Variants in LAMA3 observed in about 807,000 individuals in gnomAD.
LAMA3 encodes laminin subunit alpha 3.
A neutral mutation model predicts 402.0 loss-of-function variants in LAMA3; 281 were observed. The observed-to-expected ratio is 0.70, with a 90% confidence interval of 0.63 to 0.77. LAMA3 has a LOEUF of 0.77. LAMA3 is among the 30% of genes least tolerant of loss of function. The pLI is 0.00. For missense variants in LAMA3, 3,840 were observed against 4,215.5 expected (o/e 0.91, Z 2.47); for synonymous variants, 1,431 against 1,558.4 (o/e 0.92, Z 1.93).
intron 55 of LAMA3, among the ~76,000 whole-genome samples, chr18:23,911,886 C>A: frequency 6.9e-6 from 1 of 144,078 alleles, no homozygotes; most frequent in Non-Finnish European, 1.5e-5. Context: ...TTATATATTA[C>A]ATACAATGTA....
chr18:23,930,242 A>G (rs1280050084), intron 64 of LAMA3, among the ~76,000 whole-genome samples: 1 of 152,240 alleles, frequency 6.6e-6, no homozygotes, highest in Non-Finnish European at 1.5e-5. Context: ...GAGTCAAATT[A>G]TCTTGCCCAA....
chr18:23,823,848 G>A (rs930833563), intron 20 of LAMA3, among the ~76,000 whole-genome samples: 6 of 152,116 alleles, frequency 3.9e-5, no homozygotes, highest in South Asian at 4.1e-4. Flanking sequence ...ACAAACAAAC[G>A]GAAGTGTAAA....
chr18:23,871,118 C>G (rs1324189377), intron 37 of LAMA3, among the ~76,000 whole-genome samples: 3 of 152,220 alleles, frequency 2.0e-5, no homozygotes, highest in African/African-American at 7.2e-5. Context: ...TTCCTTCCCT[C>G]TTTCTCACTC....
chr18:23,887,844 T>C (rs1011165767), intron 41 of LAMA3, among the ~76,000 whole-genome samples: 1 of 152,244 alleles, frequency 6.6e-6, no homozygotes, highest in Admixed American at 6.5e-5. Context: ...CTGCTCTTTA[T>C]TTGTTGTACC....
chr18:23,808,676 T>G (rs1402338287), intron 12 of LAMA3, among the ~76,000 whole-genome samples: 1 of 152,224 alleles, frequency 6.6e-6, no homozygotes, highest in East Asian at 1.9e-4. Context: ...ACTAGCCGAG[T>G]TCCCCTCCAT....
At chr18:23,828,857 A>G (rs1038428524) in intron 23 of LAMA3, among the ~76,000 whole-genome samples, 1 of 151,978 alleles carries the variant, frequency 6.6e-6, no homozygotes, top group African/African-American at 2.4e-5. Flanking sequence ...TATCATATTT[A>G]TTTTTTCTTG....
At chr18:23,874,361 C>A (rs983127752) in intron 38 of LAMA3, among the ~76,000 whole-genome samples, 1 of 152,224 alleles carries the variant, frequency 6.6e-6, no homozygotes, top group Middle Eastern at 3.2e-3. Context: ...ATGTAAATCT[C>A]AATTGTGCTT....
In LAMA3 at chr18:23,823,127, G is replaced by A. The variant is rs373162916; in HGVS notation, c.2428+752G>A. On this transcript the variant is annotated intron_variant, in intron 20 of 74. Coordinates refer to ENST00000313654, the MANE Select transcript of LAMA3 (RefSeq NM_198129.4). ...TGGGGGAAGAAATGATGTCATTTCCGAGTTGTGTCAACCCAACTTGCGTGG... is the reference window on the plus strand; with the variant it reads ...TGGGGGAAGAAATGATGTCATTTCCAAGTTGTGTCAACCCAACTTGCGTGG... Among the ~76,000 whole-genome samples the A allele has an allele frequency of 8.3e-4, 126 of 152,260 alleles. 2 individuals carry two copies. In the South Asian group the frequency reaches 0.025, roughly 30 times the overall value.
At chr18:23,900,066 T>TGTTC (rs2081016443) in intron 47 of LAMA3, among the ~76,000 whole-genome samples, 1 of 45,528 alleles carries the variant, frequency 2.2e-5, no homozygotes, top group Non-Finnish European at 1.2e-4. Flanking sequence ...TTTGTGTGTG[T>TGTTC]GTGCGTGTGT....
chr18:23,951,499 T>A (rs1224728279), intron 72 of LAMA3, among the ~76,000 whole-genome samples, 185 bp from the exon 73 acceptor site: 1 of 152,162 alleles, frequency 6.6e-6, no homozygotes, highest in Non-Finnish European at 1.5e-5. Context: ...CTGGAAGGGA[T>A]GCAGCAGAGA....
At chr18:23,733,087 G>C (rs985087742) in intron 2 of LAMA3, among the ~76,000 whole-genome samples, 15 of 152,072 alleles carry the variant, frequency 9.9e-5, no homozygotes, top group Non-Finnish European at 1.9e-4. Flanking sequence ...CTAATCAGCA[G>C]CCCAGGGAGC....
chr18:23,912,964 A>G (rs1361485277), intron 56 of LAMA3, 83 bp downstream of exon 56: 5 of 1,241,678 alleles, frequency 4.0e-6, no homozygotes, highest in Non-Finnish European at 5.9e-6. Flanking sequence ...GCACGGCTGC[A>G]TCACTGCCAT....
chr18:23,917,050 C>G (rs1452872267), intron 60 of LAMA3, among the ~76,000 whole-genome samples: 3 of 152,044 alleles, frequency 2.0e-5, no homozygotes, highest in Non-Finnish European at 2.9e-5. Context: ...GCCCCAGGGT[C>G]TGTTGTTCCC....
intron 55 of LAMA3, among the ~76,000 whole-genome samples, chr18:23,912,356 G>A (rs113148826): frequency 0.011 from 1,729 of 151,990 alleles, 35 homozygotes; most frequent in African/African-American, 0.04. Context: ...CATGCCAAGT[G>A]CCTCCATAGA....
At chr18:23,793,912 T>A (rs192679914) in intron 12 of LAMA3, among the ~76,000 whole-genome samples, 1 of 152,342 alleles carries the variant, frequency 6.6e-6, no homozygotes, top group East Asian at 1.9e-4. Context: ...CCCGCAAACC[T>A]CCTTTGGATT....
At chr18:23,944,143 A>C (rs2082625851) in intron 69 of LAMA3, among the ~76,000 whole-genome samples, 172 bp downstream of exon 69, 1 of 152,140 alleles carries the variant, frequency 6.6e-6, no homozygotes, top group South Asian at 2.1e-4. Context: ...CGCGGCACAC[A>C]CATTGCATGG....
chr18:23,924,107 C>T (rs1386010474), intron 62 of LAMA3, among the ~76,000 whole-genome samples: 46 of 152,068 alleles, frequency 3.0e-4, no homozygotes, highest in Admixed American at 2.9e-3. Flanking sequence ...CTCCCACCCC[C>T]AGAATTCTGG....
intron 66 of LAMA3, chr18:23,932,604 CA>C (rs1242780693): frequency 2.9e-5 from 10 of 347,684 alleles, no homozygotes; most frequent in East Asian, 2.8e-4. Context: ...CAAGATTGTG[CA>C]ATTAGATTTA....
intron 1 of LAMA3, among the ~76,000 whole-genome samples, chr18:23,691,470 A>G (rs1263483413): frequency 6.6e-6 from 1 of 152,180 alleles, no homozygotes; most frequent in Non-Finnish European, 1.5e-5. Context: ...TGCTTTCTCT[A>G]TTTTATGATT....
Sources: allele counts gnomAD v4.1 joint callset (sites outside exome capture counted in the v4.1 genomes callset), GRCh38; gene constraint gnomAD v4.1.1; transcripts MANE v1.5; gene names NCBI Gene and HGNC (gene_info 2026-07-23, HGNC 2026-07-21).